The following FAM118A variants were observed in gnomAD, a reference collection of about 807,000 sequenced individuals.
FAM118A encodes the protein SIR2 antiphage like 2.
FAM118A carries 25 observed loss-of-function variants against 38.2 expected under a neutral mutation model. That is an observed-to-expected ratio of 0.65 (90% CI 0.48 to 0.91). The LOEUF is 0.91. FAM118A is among the 40% of genes least tolerant of loss of function. The pLI is 0.00. For missense variants in FAM118A, 425 were observed against 463.3 expected (o/e 0.92, Z 0.76); for synonymous variants, 178 against 184.1 (o/e 0.97, Z 0.27).
At chr22:45,340,326 C>T (rs554594993) in intron 8 of FAM118A, 60 bp from the exon 9 acceptor site, 1 of 1,597,176 alleles carries the variant, frequency 6.3e-7, no homozygotes, top group African/African-American at 1.3e-5. Context: ...AAATCTATTG[C>T]AAATAACTTC....
At chr22:45,340,118 GAAAT>G (rs2086384400) in intron 8 of FAM118A, among the ~76,000 whole-genome samples, 1 of 152,188 alleles carries the variant, frequency 6.6e-6, no homozygotes, top group African/African-American at 2.4e-5. Flanking sequence ...AGTCCACTAA[GAAAT>G]AAAAGAGCAT....
rs200988367 is a variant in FAM118A, at chr22:45,320,873, GTTC to G, written c.-9-1493_-9-1491del. Among the ~76,000 whole-genome samples the G allele has an allele frequency of 6.1e-3, 932 of 152,318 alleles. 12 individuals are homozygous for G. The highest frequency in any genetic ancestry group is 0.021 in the African/African-American group (890 of 41,560). ...AGTGTTCATACTCTCTAACTCAGCAGTTCTTCTCAGAAATCTCTCCTAAATAAA... is the reference window on the plus strand; with the variant it reads ...AGTGTTCATACTCTCTAACTCAGCAGTTCTCAGAAATCTCTCCTAAATAAA... On this transcript the variant is annotated intron_variant, in intron 1 of 8. Transcript: ENST00000441876.
intron 3 of FAM118A, 149 bp downstream of exon 3, chr22:45,323,576 C>T (rs957420197): frequency 4.4e-5 from 45 of 1,028,098 alleles, no homozygotes; most frequent in African/African-American, 3.9e-4. Context: ...TTGAGTCCAT[C>T]GGGGTGTCGT....
intron 6 of FAM118A, 50 bp downstream of exon 6, chr22:45,332,760 T>A: frequency 6.6e-7 from 1 of 1,521,070 alleles, no homozygotes; most frequent in Non-Finnish European, 8.8e-7. Flanking sequence ...TCTTTTTTTT[T>A]TTTGAGACGG....
In FAM118A at chr22:45,341,953, C is replaced by G. The variant is rs2086472167; in HGVS notation, c.*1548C>G. The G allele has an allele frequency of 6.6e-6, 1 of 152,142 alleles. No individual in the cohort carries two copies. Among genetic ancestry groups the G allele is most frequent in the Non-Finnish European group, 1.5e-5 (1 of 68,030 alleles). 9.4% of individuals were successfully genotyped at this position (152,142 alleles called of 1,614,324 possible). On this transcript the variant is annotated 3_prime_UTR_variant, in exon 9 of 9. Coordinates refer to ENST00000441876, the MANE Select transcript of FAM118A (RefSeq NM_017911.4). ...CCAGCCATAAATAAAATTTTAACTTCAACCCTGTGTGCTCAGTGTTTCTTT... is the reference window on the plus strand; with the variant it reads ...CCAGCCATAAATAAAATTTTAACTTGAACCCTGTGTGCTCAGTGTTTCTTT...
At chr22:45,336,542 C>G in intron 8 of FAM118A, 131 bp downstream of exon 8, 2 of 662,046 alleles carry the variant, frequency 3.0e-6, no homozygotes, top group Non-Finnish European at 5.2e-6. Context: ...TCTGTCAGGG[C>G]CAGAGAGCAC....
intron 4 of FAM118A, 141 bp from the exon 5 acceptor site, chr22:45,330,462 G>A (rs2085626153): frequency 3.2e-6 from 3 of 924,226 alleles, no homozygotes; most frequent in South Asian, 5.4e-5. Flanking sequence ...GGTTTTGAAG[G>A]TATAAGTGTA....
intron 1 of FAM118A, among the ~76,000 whole-genome samples, chr22:45,317,505 G>T (rs1415949607): frequency 2.0e-5 from 3 of 152,182 alleles, no homozygotes; most frequent in African/African-American, 2.4e-5. Flanking sequence ...GTAATTTAAG[G>T]TTTTTTTGTT....
intron 1 of FAM118A, among the ~76,000 whole-genome samples, chr22:45,311,695 A>G (rs1006907022): frequency 6.6e-6 from 1 of 152,080 alleles, no homozygotes; most frequent in African/African-American, 2.4e-5. Context: ...TTTTTGAACC[A>G]TCCATGTGGC....
At chr22:45,320,884 A>G (rs780786848) in intron 1 of FAM118A, among the ~76,000 whole-genome samples, 1 of 152,204 alleles carries the variant, frequency 6.6e-6, no homozygotes, top group Non-Finnish European at 1.5e-5. Flanking sequence ...TTCTTCTCAG[A>G]AATCTCTCCT....
chr22:45,313,688 A>T (rs533833316), intron 1 of FAM118A, among the ~76,000 whole-genome samples: 1 of 152,180 alleles, frequency 6.6e-6, no homozygotes, highest in African/African-American at 2.4e-5. Flanking sequence ...AGAAAAATCT[A>T]CAGGACTTGT....
At chr22:45,335,261 C>T (rs1162016343) in intron 6 of FAM118A, 89 bp from the exon 7 acceptor site, 20 of 1,500,240 alleles carry the variant, frequency 1.3e-5, no homozygotes, top group Admixed American at 3.4e-5. Flanking sequence ...TTCCCAGTCC[C>T]TGCCGTTCCC....
intron 8 of FAM118A, among the ~76,000 whole-genome samples, chr22:45,339,332 G>A (rs1302608489): frequency 6.6e-6 from 1 of 152,028 alleles, no homozygotes; most frequent in Non-Finnish European, 1.5e-5. Flanking sequence ...CCAGGAGGCG[G>A]AGGTTGCAGT....
At chr22:45,335,297 A>G in intron 6 of FAM118A, 53 bp from the exon 7 acceptor site, 4 of 1,610,160 alleles carry the variant, frequency 2.5e-6, no homozygotes, top group Non-Finnish European at 3.4e-6. Context: ...GTGGCCGAGG[A>G]GGACGAGCTC....
chr22:45,317,726 G>A (rs1474332683), intron 1 of FAM118A, among the ~76,000 whole-genome samples: 3 of 152,182 alleles, frequency 2.0e-5, no homozygotes, highest in Admixed American at 1.3e-4. Flanking sequence ...GGCTCGCTGG[G>A]GCCACTCATG....
chr22:45,319,513 A>C (rs1022405449), intron 1 of FAM118A, among the ~76,000 whole-genome samples: 1 of 152,104 alleles, frequency 6.6e-6, no homozygotes, highest in Non-Finnish European at 1.5e-5. Context: ...GAGCTGTTGG[A>C]CTCAGCAGTT....
chr22:45,309,038 C>A (rs2084269416), upstream of FAM118A: 1 of 152,228 alleles, frequency 6.6e-6, no homozygotes, highest in Non-Finnish European at 1.5e-5. Context: ...GGGCCCGTGC[C>A]CAGCCCACCC....
chr22:45,316,952 G>A (rs951747059), intron 1 of FAM118A, among the ~76,000 whole-genome samples: 3 of 152,244 alleles, frequency 2.0e-5, no homozygotes, highest in Non-Finnish European at 4.4e-5. Context: ...TCCTGTGTGA[G>A]ATGGATGTAG....
intron 2 of FAM118A, 89 bp downstream of exon 2, chr22:45,322,515 C>A: frequency 8.7e-7 from 1 of 1,155,072 alleles, no homozygotes; most frequent in Non-Finnish European, 1.3e-6. Flanking sequence ...TTAGTACCTG[C>A]AAGGGCGAAA....
Sources: allele counts gnomAD v4.1 joint callset (sites outside exome capture counted in the v4.1 genomes callset), GRCh38; gene constraint gnomAD v4.1.1; transcripts MANE v1.5; gene names NCBI Gene and HGNC (gene_info 2026-07-23, HGNC 2026-07-21).